The following FGD6 variants were observed in gnomAD, a reference collection of about 807,000 sequenced individuals.
FGD6 encodes the protein FYVE, RhoGEF and PH domain containing 6.
In FGD6, 90 loss-of-function variants were observed where a neutral mutation model predicts 149.4. The observed-to-expected ratio is 0.60, with a 90% CI of 0.51 to 0.72. The LOEUF is 0.72. Among genes scored for constraint, FGD6 ranks in the 30% least tolerant of loss-of-function variants. The pLI is 0.00. For missense variants in FGD6, 1,437 were observed against 1,684.8 expected (o/e 0.85, Z 2.57); for synonymous variants, 527 against 584.0 (o/e 0.90, Z 1.41).
intron 2 of FGD6, among the ~76,000 whole-genome samples, chr12:95,174,675 T>C (rs2136284661): frequency 1.3e-5 from 2 of 152,236 alleles, no homozygotes; most frequent in East Asian, 3.9e-4. Flanking sequence ...ACGCCTGTAA[T>C]CCCAGCACTT....
intron 2 of FGD6, among the ~76,000 whole-genome samples, chr12:95,197,515 G>A (rs979389286): frequency 4.6e-5 from 7 of 152,164 alleles, no homozygotes; most frequent in Admixed American, 6.5e-5. Context: ...CAACTAATTA[G>A]AGGGAACATA....
chr12:95,210,196 A>G lies in FGD6; in HGVS notation c.1088T>C (p.Val363Ala), dbSNP rs764906943. 1.2e-6 allele frequency: 2 copies of G among 1,614,058 alleles called. No individual in the cohort carries two copies. The highest frequency in any genetic ancestry group is 1.7e-6 in the Non-Finnish European group (2 of 1,180,024). Residue 363 changes from valine (V) to alanine (A), a missense_variant, in exon 2 of 21, where the codon GTT (valine) becomes GCT (alanine). Physicochemically the swap from Val to Ala is moderately conservative, Grantham distance 64. Coordinates refer to ENST00000343958, the MANE Select transcript of FGD6 (RefSeq NM_018351.4). The part of the protein sequence containing the change: ...ENSLKINKIS[V>A]LHQNVLCKQE... ...CTTACACAAAACATTCTGATGCAGA[A>G]CACTGATTTTATTGATTTTCAAACT...
intron 7 of FGD6, among the ~76,000 whole-genome samples, chr12:95,137,043 C>T (rs1315712083): frequency 2.6e-5 from 4 of 152,066 alleles, no homozygotes; most frequent in African/African-American, 9.7e-5. Flanking sequence ...TTTGGGAGGC[C>T]GAGCAGGGTG....
At chr12:95,160,665 G>A (rs957718604) in intron 3 of FGD6, among the ~76,000 whole-genome samples, 9 of 152,154 alleles carry the variant, frequency 5.9e-5, no homozygotes, top group African/African-American at 1.4e-4. Context: ...ACAATGTAAA[G>A]TCAATCAAAC....
intron 8 of FGD6, among the ~76,000 whole-genome samples, chr12:95,115,688 C>A (rs373991588): frequency 6.6e-6 from 1 of 152,154 alleles, no homozygotes; most frequent in African/African-American, 2.4e-5. Flanking sequence ...GACCCAACTG[C>A]TAGTTAGTAC....
intron 3 of FGD6, among the ~76,000 whole-genome samples, chr12:95,170,100 G>C (rs1304237875): frequency 6.6e-6 from 1 of 151,698 alleles, no homozygotes; most frequent in Non-Finnish European, 1.5e-5. Flanking sequence ...CAGCCTGGGA[G>C]ACAGAGCAAG....
At position 95,152,861 on chromosome 12, in the gene FGD6, A is replaced by G. The variant is rs1303168455; in HGVS notation, c.2655-20T>C. 6.2e-7 allele frequency: 1 copy of G among 1,613,828 alleles called. No homozygotes were observed. ...ACAAACCTGTAAAAAACAACAATGA[A>G]AAAAATGTTTTAAATGTGCCAATGG... is the stretch of plus-strand genomic sequence containing the variant. On this transcript the variant is annotated intron_variant, in intron 4 of 20. Transcript: ENST00000343958.
intron 15 of FGD6, 25 bp from the exon 16 acceptor site, chr12:95,092,870 T>C: frequency 1.3e-6 from 2 of 1,587,216 alleles, no homozygotes; most frequent in Non-Finnish European, 1.7e-6. Flanking sequence ...CAACTTCTGA[T>C]TATCTCCATG....
intron 8 of FGD6, among the ~76,000 whole-genome samples, chr12:95,134,017 T>C (rs1028885567): frequency 6.6e-6 from 1 of 152,216 alleles, no homozygotes; most frequent in African/African-American, 2.4e-5. Flanking sequence ...TCTTGAAGCT[T>C]ACAGTCTAGT....
rs71078615 is a variant in FGD6, at chr12:95,157,566, C to CA, written c.2587-4574dup. On this transcript the variant is annotated intron_variant, in intron 3 of 20. Coordinates refer to ENST00000343958, the MANE Select transcript of FGD6 (RefSeq NM_018351.4). The stretch of plus-strand genomic sequence containing the variant: ...AGGCGACAAGAGCAAAACTCTGTCT[C>CA]AAAAAAAAAAAAAAAAAGAATATAA... 1.1e-3 allele frequency among the ~76,000 whole-genome samples: 130 copies of CA among 113,262 alleles called. 3 individuals carry two copies. Among genetic ancestry groups the CA allele is most frequent in the Non-Finnish European group, 1.8e-3 (106 of 57,826 alleles). 74.3% of individuals were successfully genotyped at this position (113,262 alleles called of 152,430 possible). A position where few individuals can be genotyped will look rare whatever the true frequency, so the allele number is the denominator to read the frequency against.
chr12:95,138,627 C>T (rs1879753335), intron 6 of FGD6, among the ~76,000 whole-genome samples: 3 of 151,996 alleles, frequency 2.0e-5, no homozygotes, highest in Admixed American at 2.0e-4. Flanking sequence ...ACTTCTCTTC[C>T]TCTTCCCCAT....
intron 8 of FGD6, among the ~76,000 whole-genome samples, chr12:95,114,834 TTC>T (rs951889709): frequency 3.3e-5 from 5 of 152,216 alleles, no homozygotes; most frequent in South Asian, 2.1e-4. Context: ...CTATCAATTT[TTC>T]TCTCTCTCTT....
At chr12:95,131,765 A>T (rs59417306) in intron 8 of FGD6, among the ~76,000 whole-genome samples, 13,322 of 152,188 alleles carry the variant, frequency 0.088, 736 homozygotes, top group African/African-American at 0.15. Context: ...AGGGCCTATT[A>T]TATATAAGGT....
chr12:95,140,861 T>A (rs923053658), intron 6 of FGD6, among the ~76,000 whole-genome samples: 3 of 152,176 alleles, frequency 2.0e-5, no homozygotes, highest in African/African-American at 4.8e-5. Flanking sequence ...GAGGCAGGAT[T>A]ACGAAAGATT....
intron 2 of FGD6, among the ~76,000 whole-genome samples, chr12:95,195,011 G>A (rs1309988227): frequency 3.3e-5 from 5 of 152,044 alleles, no homozygotes; most frequent in Non-Finnish European, 7.4e-5. Context: ...TCCAAATGCC[G>A]AGAGCAGCCT....
At chr12:95,156,006 T>C (rs1399859757) in intron 3 of FGD6, among the ~76,000 whole-genome samples, 1 of 152,192 alleles carries the variant, frequency 6.6e-6, no homozygotes, top group African/African-American at 2.4e-5. Flanking sequence ...TGATTTCCTA[T>C]GCCTGTCTTT....
intron 2 of FGD6, among the ~76,000 whole-genome samples, chr12:95,175,816 A>AAG (rs1555221581): frequency 2.9e-4 from 40 of 137,530 alleles, no homozygotes; most frequent in Middle Eastern, 3.9e-3. Context: ...AAAAAAAAAA[A>AAG]AAAGAAAAAA....
chr12:95,168,219 A>T (rs902951841), intron 3 of FGD6, among the ~76,000 whole-genome samples: 3 of 152,238 alleles, frequency 2.0e-5, no homozygotes, highest in Non-Finnish European at 1.5e-5. Context: ...AAGTTTTCCC[A>T]TTAAACAAAA....
At chr12:95,181,667 GT>G in intron 2 of FGD6, among the ~76,000 whole-genome samples, 1 of 150,900 alleles carries the variant, frequency 6.6e-6, no homozygotes, top group South Asian at 2.1e-4. Flanking sequence ...AATATGGCAA[GT>G]TCCAGTTGGG....
Sources: gnomAD v4.1 joint callset for allele counts (sites outside exome capture counted in the v4.1 genomes callset) on GRCh38, gnomAD v4.1.1 for gene constraint, MANE v1.5 for transcripts, NCBI Gene and HGNC (gene_info 2026-07-23, HGNC 2026-07-21) for gene names.